CNTNAP5: variants seen among roughly 807,000 people sequenced by gnomAD.
The protein encoded by CNTNAP5 is contactin associated protein family member 5.
Under a neutral mutation model 150.2 loss-of-function variants are expected in CNTNAP5, and 72 were observed. That is an observed-to-expected ratio of 0.48 (90% CI 0.40 to 0.58). The LOEUF is 0.58. CNTNAP5 is among the 20% of genes least tolerant of loss of function. CNTNAP5 has a pLI of 0.00. For synonymous variants in CNTNAP5, 672 were observed against 619.8 expected (o/e 1.08, Z -1.25); for missense variants, 1,636 against 1,626.2 (o/e 1.01, Z -0.10).
chr2:124,578,120 G>T lies in CNTNAP5; in HGVS notation c.1756+14797G>T, dbSNP rs543618745. Among the ~76,000 whole-genome samples the T allele has an allele frequency of 2.8e-5, 4 of 141,780 alleles. No individual in the cohort carries two copies. In the East Asian group the frequency reaches 8.3e-4, roughly 30 times the overall value. 93.0% of individuals were successfully genotyped at this position (141,780 alleles called of 152,430 possible). On this transcript the variant is annotated intron_variant, in intron 11 of 23. Coordinates refer to ENST00000682447, the MANE Select transcript of CNTNAP5 (RefSeq NM_001367498.1). ...AGGTCAGGAGTTCGAGACCAGCCTGGCCAACATGGTGAAACCTCCGTCTCC... is the reference window on the plus strand; with the variant it reads ...AGGTCAGGAGTTCGAGACCAGCCTGTCCAACATGGTGAAACCTCCGTCTCC...
In CNTNAP5 at chr2:124,323,580, G is replaced by T. The variant is rs115236742; in HGVS notation, c.381+81187G>T. 8.3e-3 allele frequency among the ~76,000 whole-genome samples: 1,264 copies of T among 152,268 alleles called. 18 individuals are homozygous for T. The highest frequency in any genetic ancestry group is 0.029 in the African/African-American group (1,186 of 41,532). ...GCAGAAGCACCTAGCCTGAGGTGGA[G>T]ATTCAAGCCTCATCTATGTATAGCC... On this transcript the variant is annotated intron_variant, in intron 3 of 23. Transcript: ENST00000682447.
At position 124,804,385 on chromosome 2, in the gene CNTNAP5, C is replaced by A. The variant is rs139189249; in HGVS notation, c.3217+6065C>A. Among the ~76,000 whole-genome samples, 438 of 152,260 alleles carry A rather than the reference C, an allele frequency of 2.9e-3. 3 individuals carry two copies. The highest frequency in any genetic ancestry group is 4.2e-3 in the Non-Finnish European group (288 of 68,024). On this transcript the variant is annotated intron_variant, in intron 19 of 23. Coordinates refer to ENST00000682447, the MANE Select transcript of CNTNAP5 (RefSeq NM_001367498.1). ...GATCTGGTTAATCTTTCTTGTTTCT[C>A]TTCTCTTTGTTGTTGTTTATGCTTT... is the stretch of plus-strand genomic sequence containing the variant.
intron 7 of CNTNAP5, among the ~76,000 whole-genome samples, chr2:124,494,643 C>A (rs1197261402): frequency 6.6e-6 from 1 of 152,216 alleles, no homozygotes; most frequent in Admixed American, 6.5e-5. Flanking sequence ...GTTGCTTTTG[C>A]CTTATGTGAG....
rs576753977 is a variant in CNTNAP5, at chr2:124,915,798, A to C, written c.*1510A>C. ...AGATCTTAATGATTTTTCTGTGGCAATATGCATCATTCTTTGTCCTGGGCC... is the reference window on the plus strand; with the variant it reads ...AGATCTTAATGATTTTTCTGTGGCACTATGCATCATTCTTTGTCCTGGGCC... On this transcript the variant is annotated 3_prime_UTR_variant, in exon 24 of 24. Coordinates refer to ENST00000682447, the MANE Select transcript of CNTNAP5 (RefSeq NM_001367498.1). 2.0e-5 allele frequency among the ~76,000 whole-genome samples: 3 copies of C among 152,168 alleles called. No homozygotes were observed. Among genetic ancestry groups the C allele is most frequent in the South Asian group, 2.1e-4 (1 of 4,826 alleles).
At chr2:124,426,811 C>T (rs1692248937) in intron 4 of CNTNAP5, among the ~76,000 whole-genome samples, 1 of 152,182 alleles carries the variant, frequency 6.6e-6, no homozygotes. Flanking sequence ...GCTGTGGCAG[C>T]CAGGTCAGCA....
chr2:124,448,870 C>CA (rs1366700139), intron 6 of CNTNAP5, among the ~76,000 whole-genome samples: 4 of 152,138 alleles, frequency 2.6e-5, no homozygotes, highest in Non-Finnish European at 5.9e-5. Flanking sequence ...AAATTGTGTG[C>CA]TACAAGTTGT....
At chr2:124,198,426 T>G (rs1329953965) in intron 1 of CNTNAP5, among the ~76,000 whole-genome samples, 2 of 152,150 alleles carry the variant, frequency 1.3e-5, no homozygotes, top group Non-Finnish European at 2.9e-5. Context: ...TTTTCCGACT[T>G]TGATTTTAGA....
chr2:124,383,042 A>T (rs999599460), intron 3 of CNTNAP5, among the ~76,000 whole-genome samples: 7 of 152,126 alleles, frequency 4.6e-5, no homozygotes, highest in African/African-American at 1.7e-4. Context: ...TTGCTTTGCT[A>T]CCTTCTGCAT....
intron 3 of CNTNAP5, among the ~76,000 whole-genome samples, chr2:124,296,985 G>A (rs758530272): frequency 2.6e-5 from 4 of 152,102 alleles, no homozygotes; most frequent in East Asian, 1.9e-4. Flanking sequence ...TGCTCTCTGG[G>A]GCAGCTCCTT....
chr2:124,511,612 G>A (rs1036993635), intron 8 of CNTNAP5, among the ~76,000 whole-genome samples: 1 of 152,152 alleles, frequency 6.6e-6, no homozygotes, highest in African/African-American at 2.4e-5. Flanking sequence ...CACTATTCAT[G>A]ATTTCTTGAG....
intron 3 of CNTNAP5, among the ~76,000 whole-genome samples, chr2:124,275,565 G>A (rs1687864987): frequency 6.6e-6 from 1 of 152,044 alleles, no homozygotes; most frequent in African/African-American, 2.4e-5. Flanking sequence ...TCTGGCTGTT[G>A]ATGCCTCATA....
chr2:124,767,335 T>C (rs1487297415), intron 16 of CNTNAP5, among the ~76,000 whole-genome samples: 18 of 152,178 alleles, frequency 1.2e-4, no homozygotes, highest in Admixed American at 5.9e-4. Flanking sequence ...TTGAATTTCG[T>C]AGCCCATACT....
At chr2:124,471,736 C>T (rs1693520914) in intron 6 of CNTNAP5, among the ~76,000 whole-genome samples, 1 of 151,886 alleles carries the variant, frequency 6.6e-6, no homozygotes, top group Non-Finnish European at 1.5e-5. Flanking sequence ...GAGGTATGTT[C>T]CTTCCATATC....
chr2:124,320,449 A>C (rs78824912), intron 3 of CNTNAP5, among the ~76,000 whole-genome samples: 1,894 of 152,258 alleles, frequency 0.012, 39 homozygotes, highest in African/African-American at 0.041. Context: ...AAATAGTGTG[A>C]CCTCAGACAT....
intron 1 of CNTNAP5, among the ~76,000 whole-genome samples, chr2:124,108,752 C>T (rs1683225114): frequency 6.6e-6 from 1 of 152,166 alleles, no homozygotes; most frequent in Admixed American, 6.5e-5. Context: ...TGTAGAAACC[C>T]TTCACTGGAG....
intron 11 of CNTNAP5, among the ~76,000 whole-genome samples, chr2:124,573,760 C>A (rs919409076): frequency 1.3e-5 from 2 of 152,090 alleles, no homozygotes; most frequent in Non-Finnish European, 2.9e-5. Flanking sequence ...TTCATTTGTG[C>A]CTCCACTTTG....
chr2:124,509,907 T>C (rs1351469085), intron 8 of CNTNAP5, among the ~76,000 whole-genome samples: 1 of 152,152 alleles, frequency 6.6e-6, no homozygotes, highest in East Asian at 1.9e-4. Context: ...CTTTATAAAC[T>C]TCTGTGTACT....
chr2:124,165,377 CA>C (rs1684787632), intron 1 of CNTNAP5, among the ~76,000 whole-genome samples: 1 of 152,160 alleles, frequency 6.6e-6, no homozygotes, highest in African/African-American at 2.4e-5. Context: ...ACCTAAGACA[CA>C]ATGGATGCAA....
At chr2:124,086,004 GTTC>G (rs1251685555) in intron 1 of CNTNAP5, among the ~76,000 whole-genome samples, 2 of 152,076 alleles carry the variant, frequency 1.3e-5, no homozygotes, top group Non-Finnish European at 1.5e-5. Flanking sequence ...ATGGTGTTGA[GTTC>G]TTCTGTAAAC....
Sources: allele counts gnomAD v4.1 joint callset (sites outside exome capture counted in the v4.1 genomes callset), GRCh38; gene constraint gnomAD v4.1.1; transcripts MANE v1.5; gene names NCBI Gene and HGNC (gene_info 2026-07-23, HGNC 2026-07-21).